The following CDH8 variants were observed in gnomAD, a reference collection of about 807,000 sequenced individuals.
CDH8 encodes the protein cadherin 8, also known as cadherin-8.
CDH8 carries 17 observed loss-of-function variants against 68.1 expected under a neutral mutation model. The ratio of observed to expected loss-of-function variants is 0.25; its 90% CI spans 0.17 to 0.37. CDH8 has a LOEUF of 0.37. Among genes scored for constraint, CDH8 ranks in the 10% least tolerant of loss-of-function variants. The pLI, the probability that CDH8 is intolerant of heterozygous loss-of-function variation, is 1.00. For missense variants in CDH8, 763 were observed against 999.3 expected, an observed-to-expected ratio of 0.76 and a Z score of 3.19; for synonymous variants, 372 against 365.1, an observed-to-expected ratio of 1.02 and a Z score of -0.21.
chr16:61,674,529 G>A (rs1391544611), intron 10 of CDH8, among the ~76,000 whole-genome samples: 1 of 151,316 alleles, frequency 6.6e-6, no homozygotes, highest in Non-Finnish European at 1.5e-5. Flanking sequence ...AACTCAAGGG[G>A]CAATAAGAAC....
chr16:61,829,709 G>C (rs992466920), intron 4 of CDH8, among the ~76,000 whole-genome samples: 1 of 151,762 alleles, frequency 6.6e-6, no homozygotes, highest in Non-Finnish European at 1.5e-5. Context: ...TCTCTAAGGC[G>C]AGTAGGAAGT....
intron 3 of CDH8, among the ~76,000 whole-genome samples, chr16:61,873,605 G>A (rs997559069): frequency 2.6e-5 from 4 of 152,216 alleles, no homozygotes; most frequent in Non-Finnish European, 4.4e-5. Flanking sequence ...ATGATGGTGG[G>A]AAAGCGATCT....
intron 10 of CDH8, among the ~76,000 whole-genome samples, chr16:61,669,098 T>C (rs183473794): frequency 6.6e-6 from 1 of 152,064 alleles, no homozygotes; most frequent in Admixed American, 6.6e-5. Context: ...CAAATATCCC[T>C]GAACATAATC....
At chr16:61,990,519 G>A (rs60106755) in intron 2 of CDH8, among the ~76,000 whole-genome samples, 5,125 of 151,740 alleles carry the variant, frequency 0.034, 202 homozygotes, top group African/African-American at 0.093. Context: ...CTATTTTACA[G>A]GTAAAATCTG....
intron 2 of CDH8, among the ~76,000 whole-genome samples, chr16:62,003,666 A>C (rs1189607435): frequency 1.3e-5 from 2 of 152,164 alleles, no homozygotes; most frequent in African/African-American, 4.8e-5. Flanking sequence ...GTTGAATTAG[A>C]TGGGTTACTG....
At chr16:61,998,724 G>GA (rs1216442694) in intron 2 of CDH8, among the ~76,000 whole-genome samples, 1 of 152,140 alleles carries the variant, frequency 6.6e-6, no homozygotes, top group Admixed American at 6.5e-5. Flanking sequence ...TTGTCATCCA[G>GA]AAAAAAGCTA....
At chr16:61,932,481 T>C (rs1964560383) in intron 2 of CDH8, among the ~76,000 whole-genome samples, 1 of 152,288 alleles carries the variant, frequency 6.6e-6, no homozygotes, top group African/African-American at 2.4e-5. Flanking sequence ...TAATGTGATT[T>C]TTAATATATA....
At chr16:61,784,930 T>C (rs1008367953) in intron 8 of CDH8, among the ~76,000 whole-genome samples, 39 of 152,030 alleles carry the variant, frequency 2.6e-4, no homozygotes, top group African/African-American at 9.2e-4. Flanking sequence ...TGGGACGCAT[T>C]CAAAGCAGTG....
chr16:61,767,320 A>T (rs934647513), intron 8 of CDH8, among the ~76,000 whole-genome samples: 1 of 151,978 alleles, frequency 6.6e-6, no homozygotes, highest in Non-Finnish European at 1.5e-5. Flanking sequence ...GCACATTCTA[A>T]TTATGAATTC....
intron 2 of CDH8, among the ~76,000 whole-genome samples, chr16:61,932,470 G>A (rs1343993867): frequency 6.6e-6 from 1 of 152,116 alleles, no homozygotes; most frequent in African/African-American, 2.4e-5. Context: ...TTAATCTGGA[G>A]TAATGTGATT....
chr16:61,949,604 C>T (rs554252521), intron 2 of CDH8, among the ~76,000 whole-genome samples: 3 of 152,068 alleles, frequency 2.0e-5, no homozygotes, highest in African/African-American at 2.4e-5. Flanking sequence ...TCAACAAGAC[C>T]GAGAACCCAC....
intron 10 of CDH8, among the ~76,000 whole-genome samples, chr16:61,704,045 C>T (rs1472522691): frequency 1.3e-5 from 2 of 152,102 alleles, no homozygotes; most frequent in Admixed American, 6.6e-5. Flanking sequence ...TATGATCATA[C>T]GGCCTATGTA....
At chr16:61,860,068 C>A (rs537733840) in intron 3 of CDH8, among the ~76,000 whole-genome samples, 5 of 152,098 alleles carry the variant, frequency 3.3e-5, no homozygotes, top group African/African-American at 1.2e-4. Context: ...GTCTCTATCT[C>A]GTGACATCGT....
At chr16:61,782,328 G>A (rs892829639) in intron 8 of CDH8, among the ~76,000 whole-genome samples, 12 of 152,238 alleles carry the variant, frequency 7.9e-5, no homozygotes, top group Admixed American at 2.6e-4. Flanking sequence ...AAGGGGTGAC[G>A]GACGCACCTG....
At chr16:61,941,783 T>C (rs894339647) in intron 2 of CDH8, among the ~76,000 whole-genome samples, 5 of 152,184 alleles carry the variant, frequency 3.3e-5, no homozygotes, top group African/African-American at 4.8e-5. Flanking sequence ...CCTGATTGCA[T>C]TATCTTTCAT....
chr16:61,985,667 T>G (rs1036385288), intron 2 of CDH8, among the ~76,000 whole-genome samples: 6 of 152,050 alleles, frequency 3.9e-5, no homozygotes, highest in African/African-American at 1.4e-4. Flanking sequence ...TAATTTTGTA[T>G]TTTTAGTAGA....
chr16:61,711,393 C>T (rs1473312595), intron 10 of CDH8, among the ~76,000 whole-genome samples: 1 of 151,760 alleles, frequency 6.6e-6, no homozygotes, highest in Non-Finnish European at 1.5e-5. Context: ...ATTATATTAG[C>T]TCTCTCAACA....
rs182716869 is a variant in CDH8 at position 61,734,882 on chromosome 16, T to C, written c.1415-7667A>G. ...CCACAAGCTTCATGCCTTAAAGACA[T>C]AGAAATGTATTCCTTTACACTCTCA... is the stretch of plus-strand genomic sequence containing the variant. On this transcript the variant is annotated intron_variant, in intron 8 of 11. Transcript: ENST00000577390. 7.0e-4 allele frequency among the ~76,000 whole-genome samples: 106 copies of C among 152,214 alleles called. 1 individual carries two copies. The Middle Eastern group carries it at 0.017, about 24-fold the overall frequency.
At chr16:61,921,894 G>A (rs1964374904) in intron 2 of CDH8, among the ~76,000 whole-genome samples, 1 of 152,086 alleles carries the variant, frequency 6.6e-6, no homozygotes, top group East Asian at 1.9e-4. Context: ...AGTCGGGCAC[G>A]GTGGCATGTG....
Sources: gnomAD v4.1 joint callset for allele counts (sites outside exome capture counted in the v4.1 genomes callset) on GRCh38, gnomAD v4.1.1 for gene constraint, MANE v1.5 for transcripts, NCBI Gene and HGNC (gene_info 2026-07-23, HGNC 2026-07-21) for gene names.